The following PCBP3 variants were observed in gnomAD, a reference collection of about 807,000 sequenced individuals.
PCBP3 encodes the protein poly(rC) binding protein 3.
In PCBP3, 25 loss-of-function variants were observed where a neutral mutation model predicts 52.7. The observed-to-expected ratio is 0.47, with a 90% CI of 0.35 to 0.66. PCBP3 has a LOEUF of 0.66. Ranked by LOEUF, PCBP3 falls within the 30% of genes least tolerant of loss-of-function variation. The pLI is 0.01. For synonymous variants in PCBP3, 162 were observed against 183.0 expected, an observed-to-expected ratio of 0.89 and a Z score of 0.93; for missense variants, 391 against 490.3, an observed-to-expected ratio of 0.80 and a Z score of 1.91.
chr21:45,665,843 A>G (rs1462856168), intron 1 of PCBP3, among the ~76,000 whole-genome samples: 1 of 152,212 alleles, frequency 6.6e-6, no homozygotes, highest in Non-Finnish European at 1.5e-5. Context: ...GACCAATATC[A>G]TTGATGAAAA....
At chr21:45,765,635 T>C (rs2089238509) in intron 4 of PCBP3, among the ~76,000 whole-genome samples, 1 of 152,210 alleles carries the variant, frequency 6.6e-6, no homozygotes, top group African/African-American at 2.4e-5. Context: ...TCTTCCATTG[T>C]CTGCCTTCCT....
intron 4 of PCBP3, among the ~76,000 whole-genome samples, chr21:45,765,219 A>G (rs1192838631): frequency 1.3e-5 from 2 of 152,166 alleles, no homozygotes; most frequent in Non-Finnish European, 2.9e-5. Context: ...ACTGGGCACC[A>G]GGGTGACCCT....
intron 3 of PCBP3, chr21:45,750,323 C>T (rs770719272): frequency 2.6e-5 from 4 of 151,630 alleles, no homozygotes; most frequent in Non-Finnish European, 5.9e-5. Flanking sequence ...TGCCTTGACC[C>T]GTCTTTACTG....
intron 17 of PCBP3, among the ~76,000 whole-genome samples, chr21:45,940,946 GGA>G (rs2077403128): frequency 6.6e-6 from 1 of 152,206 alleles, no homozygotes; most frequent in South Asian, 2.1e-4. Flanking sequence ...GGACTGGAGG[GGA>G]GGAGAAGGGA....
At chr21:45,844,251 T>G (rs1488647966) in intron 4 of PCBP3, among the ~76,000 whole-genome samples, 1 of 152,030 alleles carries the variant, frequency 6.6e-6, no homozygotes, top group Non-Finnish European at 1.5e-5. Context: ...GCCGTCTTGG[T>G]GAGAGCCCCA....
At chr21:45,715,244 G>C (rs1398810989) in intron 2 of PCBP3, among the ~76,000 whole-genome samples, 1 of 152,074 alleles carries the variant, frequency 6.6e-6, no homozygotes, top group Non-Finnish European at 1.5e-5. Context: ...TGGAGTATAG[G>C]GCTTCGGTGG....
chr21:45,674,145 T>G (rs564580365), intron 2 of PCBP3, among the ~76,000 whole-genome samples: 3 of 151,972 alleles, frequency 2.0e-5, no homozygotes, highest in Non-Finnish European at 4.4e-5. Context: ...GACTCAAGAG[T>G]GACTTTATTT....
intron 2 of PCBP3, among the ~76,000 whole-genome samples, chr21:45,694,273 C>T (rs187135724): frequency 2.7e-3 from 415 of 152,140 alleles, no homozygotes; most frequent in Non-Finnish European, 4.1e-3. Flanking sequence ...ATTAAACACT[C>T]CAATTAAAAT....
At chr21:45,706,172 C>T (rs1260947965) in intron 2 of PCBP3, among the ~76,000 whole-genome samples, 1 of 152,330 alleles carries the variant, frequency 6.6e-6, no homozygotes, top group Middle Eastern at 3.4e-3. Flanking sequence ...TCTACTCTGA[C>T]TACACATTAG....
At chr21:45,700,363 A>G (rs770016977) in intron 2 of PCBP3, among the ~76,000 whole-genome samples, 4 of 152,244 alleles carry the variant, frequency 2.6e-5, no homozygotes, top group Admixed American at 6.5e-5. Flanking sequence ...TGGAAACTGA[A>G]AGGGAACGCA....
At chr21:45,900,296 T>C (rs187160971) in intron 7 of PCBP3, among the ~76,000 whole-genome samples, 47 of 152,274 alleles carry the variant, frequency 3.1e-4, no homozygotes, top group Non-Finnish European at 5.4e-4. Context: ...CCATGTGCCA[T>C]GAGTGAGCTG....
intron 4 of PCBP3, among the ~76,000 whole-genome samples, chr21:45,818,768 C>A (rs1298785311): frequency 3.9e-4 from 59 of 152,208 alleles, no homozygotes; most frequent in Admixed American, 3.9e-3. Flanking sequence ...CCAAGACATC[C>A]TTTAGTAGGC....
Position 45,850,001 on chromosome 21 carries a change from C to G in PCBP3, c.-85C>G. On this transcript the variant is annotated 5_prime_UTR_variant, in exon 5 of 18. It adds an upstream start codon to the 5' untranslated region. Coordinates refer to ENST00000681687, the MANE Select transcript of PCBP3 (RefSeq NM_001384156.1). ...GACAAAAGTCAACCCTTCTGTAAAT[C>G]ACCTGCTGTGGTTATGATGCTCTGA... The G allele has an allele frequency of 7.8e-6, 10 of 1,279,770 alleles. No homozygotes were observed. The South Asian group carries it at 1.3e-4, about 16-fold the overall frequency. 79.3% of individuals were successfully genotyped at this position (1,279,770 alleles called of 1,614,324 possible).
intron 5 of PCBP3, among the ~76,000 whole-genome samples, chr21:45,870,155 T>TTAAA (rs1381565706): frequency 6.6e-6 from 1 of 152,218 alleles, no homozygotes; most frequent in Non-Finnish European, 1.5e-5. Flanking sequence ...TTTATTCCCT[T>TTAAA]TAAAGTTTTA....
chr21:45,723,400 A>G (rs1047297547), intron 2 of PCBP3, among the ~76,000 whole-genome samples: 6 of 152,218 alleles, frequency 3.9e-5, no homozygotes, highest in East Asian at 3.8e-4. Context: ...CAGACTTCCT[A>G]TGTCTAGTTC....
chr21:45,901,221 G>T, intron 9 of PCBP3, 108 bp downstream of exon 9: 2 of 782,548 alleles, frequency 2.6e-6, no homozygotes, highest in African/African-American at 1.7e-5. Flanking sequence ...GCCCCAGCCC[G>T]CCCAGGCAAC....
At chr21:45,873,560 C>T (rs1022885543) in intron 5 of PCBP3, among the ~76,000 whole-genome samples, 5 of 152,158 alleles carry the variant, frequency 3.3e-5, no homozygotes, top group East Asian at 1.9e-4. Flanking sequence ...GTCTTTCAGA[C>T]GCTGTGTCGT....
chr21:45,771,862 A>G (rs563951867), intron 4 of PCBP3, among the ~76,000 whole-genome samples: 1 of 152,346 alleles, frequency 6.6e-6, no homozygotes, highest in Admixed American at 6.5e-5. Flanking sequence ...TGCAGAATCA[A>G]AACAAAGCTC....
At chr21:45,811,634 A>G (rs2092689562) in intron 4 of PCBP3, among the ~76,000 whole-genome samples, 1 of 152,218 alleles carries the variant, frequency 6.6e-6, no homozygotes, top group African/African-American at 2.4e-5. Context: ...ACCTGCTAAT[A>G]TTCATTGTCC....
Sources: gnomAD v4.1 joint callset for allele counts (sites outside exome capture counted in the v4.1 genomes callset) on GRCh38, gnomAD v4.1.1 for gene constraint, MANE v1.5 for transcripts, NCBI Gene and HGNC (gene_info 2026-07-23, HGNC 2026-07-21) for gene names.